Variants in DRC8 observed in about 807,000 individuals in gnomAD.
DRC8 encodes dynein regulatory complex protein 8.
At chr1:245,017,335 ATAT>A in the DRC8 span, 3 of 1,573,054 alleles carry the variant, frequency 1.9e-6, no homozygotes, top group African/African-American at 2.8e-5. Context: ...AGGTGTGGAA[ATAT>A]TTTTTTTTTT....
chr1:245,023,291 G>T, the DRC8 span, among the ~76,000 whole-genome samples: 1 of 152,074 alleles, frequency 6.6e-6, no homozygotes, highest in East Asian at 1.9e-4. Context: ...TGGACATTTG[G>T]GTTGTTTTCA....
At chr1:245,018,279 C>T in the DRC8 span, among the ~76,000 whole-genome samples, 1 of 149,866 alleles carries the variant, frequency 6.7e-6, no homozygotes, top group Non-Finnish European at 1.5e-5. Flanking sequence ...GGAGGCCGGG[C>T]TAAATGAGGG....
chr1:245,002,258 C>A, the DRC8 span: 1 of 1,561,156 alleles, frequency 6.4e-7, no homozygotes, highest in Non-Finnish European at 8.7e-7. Flanking sequence ...ACCTCCTCCC[C>A]ATCACTGTGT....
chr1:244,975,484 A>T, the DRC8 span, among the ~76,000 whole-genome samples: 953 of 152,320 alleles, frequency 6.3e-3, 33 homozygotes, highest in East Asian at 0.078. Context: ...GGGGATAATT[A>T]TACCCCCAAT....
chr1:245,073,713 A>G, the DRC8 span, among the ~76,000 whole-genome samples: 293 of 152,326 alleles, frequency 1.9e-3, 1 homozygote, highest in African/African-American at 6.6e-3. Flanking sequence ...ACATGTATAT[A>G]TAATACATAC....
chr1:245,010,999 A>G, the DRC8 span, among the ~76,000 whole-genome samples: 1 of 151,976 alleles, frequency 6.6e-6, no homozygotes, highest in East Asian at 1.9e-4. Flanking sequence ...CCCTTTTTCA[A>G]AATACTTGGT....
the DRC8 span, chr1:245,083,575 T>TA: frequency 6.3e-7 from 1 of 1,589,580 alleles, no homozygotes. Context: ...ATGTAGAACT[T>TA]ATTCACCAAA....
the DRC8 span, chr1:245,083,474 G>A: frequency 1.0e-4 from 166 of 1,613,580 alleles, no homozygotes; most frequent in Non-Finnish European, 1.3e-4. Flanking sequence ...GTCCTTCTTC[G>A]AGCTTTTGAG....
At chr1:245,098,537 G>A in the DRC8 span, among the ~76,000 whole-genome samples, 1 of 152,148 alleles carries the variant, frequency 6.6e-6, no homozygotes, top group African/African-American at 2.4e-5. Flanking sequence ...GTGTCCCCAG[G>A]GCCTCCATCA....
At chr1:245,059,366 G>A in the DRC8 span, 2 of 1,596,704 alleles carry the variant, frequency 1.3e-6, no homozygotes, top group Admixed American at 3.4e-5. Context: ...TAAAACCATT[G>A]AAAACTTTTT....
the DRC8 span, chr1:245,123,167 G>T: frequency 6.6e-6 from 1 of 152,258 alleles, no homozygotes; most frequent in East Asian, 1.9e-4. The surrounding 1 kb of genome is among the most constrained non-coding windows in gnomAD (Gnocchi z 5.0). Context: ...CAGTCAAAAC[G>T]CAACTCCAAG....
At chr1:245,097,657 C>T in the DRC8 span, among the ~76,000 whole-genome samples, 48 of 151,998 alleles carry the variant, frequency 3.2e-4, no homozygotes, top group Admixed American at 1.3e-4. This position sits in a 1 kb window ranked among gnomAD's most constrained non-coding sequence, Gnocchi z 5.0. Context: ...TATGTCATGT[C>T]GGGATTAACA....
the DRC8 span, among the ~76,000 whole-genome samples, chr1:244,990,072 G>A: frequency 6.6e-6 from 1 of 152,174 alleles, no homozygotes; most frequent in Non-Finnish European, 1.5e-5. Context: ...CATTGTCATG[G>A]CTCGGGATGA....
the DRC8 span, among the ~76,000 whole-genome samples, chr1:245,020,045 TC>T: frequency 3.4e-5 from 5 of 147,606 alleles, no homozygotes; most frequent in African/African-American, 1.3e-4. Flanking sequence ...AGAGAGCTGT[TC>T]CTGGAGACGC....
chr1:244,998,782 G>T, the DRC8 span, among the ~76,000 whole-genome samples: 1 of 152,254 alleles, frequency 6.6e-6, no homozygotes, highest in East Asian at 1.9e-4. Context: ...ATGTGCTGTT[G>T]CTCCTACATT....
chr1:245,072,031 C>T, the DRC8 span, among the ~76,000 whole-genome samples: 69,268 of 152,090 alleles, frequency 0.46, 17,352 homozygotes, highest in East Asian at 0.69. Context: ...TCTTAGAAAA[C>T]GAAACATCCT....
chr1:245,065,365 T>G, the DRC8 span, among the ~76,000 whole-genome samples: 1 of 152,132 alleles, frequency 6.6e-6, no homozygotes, highest in East Asian at 1.9e-4. Context: ...ATATTCTTAT[T>G]TTTCACTTAT....
the DRC8 span, among the ~76,000 whole-genome samples, chr1:245,118,399 G>A: frequency 6.6e-6 from 1 of 152,316 alleles, no homozygotes; most frequent in African/African-American, 2.4e-5. Context: ...TGCCCCTGCA[G>A]CTTTCTTCGG....
chr1:244,970,234 G>A, the DRC8 span: 2 of 753,250 alleles, frequency 2.7e-6, no homozygotes, highest in South Asian at 1.5e-5. Context: ...GTCGTGGCGC[G>A]AAACGGGGAC....
Sources: gnomAD v4.1 joint callset for allele counts (sites outside exome capture counted in the v4.1 genomes callset) on GRCh38, gnomAD v4.1.1 for gene constraint, Gnocchi (gnomAD v3.1) non-coding constraint, MANE v1.5 for transcripts, NCBI Gene and HGNC (gene_info 2026-07-23, HGNC 2026-07-21) for gene names.